The following MAGI1 variants were observed in gnomAD, a reference collection of about 807,000 sequenced individuals.
The protein encoded by MAGI1 is membrane-associated guanylate kinase, WW and PDZ domain-containing protein 1.
In MAGI1, 58 loss-of-function variants were observed where a neutral mutation model predicts 139.9. The ratio of observed to expected loss-of-function variants is 0.41; its 90% CI spans 0.34 to 0.52. The LOEUF (loss-of-function observed/expected upper bound fraction) is 0.52, where lower values mean the gene tolerates loss of function less well. Among genes scored for constraint, MAGI1 ranks in the 20% least tolerant of loss-of-function variants. The pLI is 0.12. For synonymous variants in MAGI1, 812 were observed against 737.9 expected (o/e 1.10, Z -1.63); for missense variants, 1,874 against 1,901.6 (o/e 0.99, Z 0.27).
intron 1 of MAGI1, among the ~76,000 whole-genome samples, chr3:65,882,692 G>C (rs2060378981): frequency 6.6e-6 from 1 of 152,092 alleles, no homozygotes; most frequent in African/African-American, 2.4e-5. Context: ...CTGCACTTTG[G>C]GAAGCTGAGG....
intron 1 of MAGI1, among the ~76,000 whole-genome samples, chr3:65,884,893 T>C (rs1348531537): frequency 1.3e-5 from 2 of 152,168 alleles, no homozygotes; most frequent in Non-Finnish European, 2.9e-5. Flanking sequence ...TAGCATGATA[T>C]GTACCAAAAC....
intron 13 of MAGI1, among the ~76,000 whole-genome samples, chr3:65,393,851 G>A (rs1355538205): frequency 2.0e-5 from 3 of 152,192 alleles, no homozygotes; most frequent in Admixed American, 6.5e-5. Flanking sequence ...CTTTTGTAGG[G>A]TTATTGGCAG....
chr3:65,470,111 G>C (rs1446153988), intron 5 of MAGI1, 172 bp downstream of exon 5: 1 of 557,404 alleles, frequency 1.8e-6, no homozygotes. Flanking sequence ...GAATCGATAA[G>C]TTGGTAATAA....
intron 1 of MAGI1, among the ~76,000 whole-genome samples, chr3:65,969,157 C>G (rs2064898829): frequency 6.6e-6 from 1 of 152,186 alleles, no homozygotes; most frequent in South Asian, 2.1e-4. Flanking sequence ...GAAGTGAAGA[C>G]TTGAACACCG....
chr3:65,664,937 G>C (rs2086417753), intron 1 of MAGI1, among the ~76,000 whole-genome samples: 1 of 152,012 alleles, frequency 6.6e-6, no homozygotes, highest in African/African-American at 2.4e-5. Context: ...GCTGTATATG[G>C]CCTATATTTT....
Position 65,928,142 on chromosome 3 carries a change from A to G in MAGI1, c.313+109854T>C, listed in dbSNP as rs368695829. Among the ~76,000 whole-genome samples, 26 of 152,256 alleles carry G rather than the reference A, an allele frequency of 1.7e-4. No individual in the cohort carries two copies. In the East Asian group the frequency reaches 4.2e-3, roughly 25 times the overall value. On this transcript the variant is annotated intron_variant, in intron 1 of 22. Transcript: ENST00000402939. ...CAAGGATTTTTTTACAGCAGTGTTCACTGATGCACCCCTGGTGTGTAGAGC... is the reference window on the plus strand; with the variant it reads ...CAAGGATTTTTTTACAGCAGTGTTCGCTGATGCACCCCTGGTGTGTAGAGC...
chr3:65,882,023 T>A (rs1326652928), intron 1 of MAGI1, among the ~76,000 whole-genome samples: 1 of 152,206 alleles, frequency 6.6e-6, no homozygotes, highest in Admixed American at 6.5e-5. Flanking sequence ...ACTCCTGACT[T>A]CCCCTCTGAG....
intron 2 of MAGI1, among the ~76,000 whole-genome samples, chr3:65,599,239 G>C (rs1301411936): frequency 6.6e-6 from 1 of 152,184 alleles, no homozygotes; most frequent in Admixed American, 6.5e-5. Flanking sequence ...GGCAAAGCAG[G>C]CTTTACGGGT....
At chr3:65,893,054 G>A (rs542195865) in intron 1 of MAGI1, among the ~76,000 whole-genome samples, 32 of 152,268 alleles carry the variant, frequency 2.1e-4, no homozygotes, top group African/African-American at 7.5e-4. Flanking sequence ...TAAAAATTAA[G>A]TAACAATCCA....
chr3:65,713,284 C>A (rs182449129), intron 1 of MAGI1, among the ~76,000 whole-genome samples: 2 of 152,208 alleles, frequency 1.3e-5, no homozygotes, highest in African/African-American at 4.8e-5. Context: ...TGGAAACTAG[C>A]CCGGGAAGAA....
At chr3:65,653,105 G>A (rs558072448) in intron 1 of MAGI1, among the ~76,000 whole-genome samples, 8 of 152,094 alleles carry the variant, frequency 5.3e-5, no homozygotes, top group South Asian at 2.1e-4. Flanking sequence ...CTTCCCCAGC[G>A]GAAATATGCA....
At chr3:65,563,153 T>G (rs2080444903) in intron 2 of MAGI1, among the ~76,000 whole-genome samples, 1 of 152,206 alleles carries the variant, frequency 6.6e-6, no homozygotes, top group Admixed American at 6.5e-5. Context: ...CCTAATGGAT[T>G]CCAATAAATT....
chr3:65,867,182 GAGT>G (rs1454976503), intron 1 of MAGI1, among the ~76,000 whole-genome samples: 1 of 152,172 alleles, frequency 6.6e-6, no homozygotes, highest in Non-Finnish European at 1.5e-5. Flanking sequence ...ACCAGGCCCA[GAGT>G]AAGCATTTGG....
intron 1 of MAGI1, among the ~76,000 whole-genome samples, chr3:65,656,608 G>A (rs1453082409): frequency 1.3e-5 from 2 of 152,052 alleles, no homozygotes; most frequent in Non-Finnish European, 2.9e-5. Context: ...AGTGGGGGTG[G>A]GAGGCGGATT....
intron 1 of MAGI1, among the ~76,000 whole-genome samples, chr3:66,013,420 G>T (rs13079333): frequency 1.0e-5 from 1 of 95,290 alleles, no homozygotes; most frequent in African/African-American, 3.9e-5. Flanking sequence ...AAAAAAAAAA[G>T]AAAAAAAAAA....
intron 1 of MAGI1, among the ~76,000 whole-genome samples, chr3:65,923,225 T>C (rs114150341): frequency 0.013 from 992 of 78,848 alleles, 16 homozygotes; most frequent in African/African-American, 0.061. Context: ...TCAACAGACA[T>C]CTTTTTTTTT....
chr3:65,634,166 G>A (rs74828522), intron 1 of MAGI1, among the ~76,000 whole-genome samples: 308 of 152,204 alleles, frequency 2.0e-3, no homozygotes, highest in Middle Eastern at 0.017. Flanking sequence ...CAGAGGAGAC[G>A]GGACTCAAAT....
chr3:65,843,517 G>A (rs1192588784), intron 1 of MAGI1, among the ~76,000 whole-genome samples: 1 of 152,142 alleles, frequency 6.6e-6, no homozygotes, highest in Non-Finnish European at 1.5e-5. Flanking sequence ...ATAAACGTCA[G>A]TTTGTTACAT....
intron 2 of MAGI1, among the ~76,000 whole-genome samples, chr3:65,545,897 A>C (rs1016200325): frequency 6.6e-6 from 1 of 152,102 alleles, no homozygotes; most frequent in African/African-American, 2.4e-5. Flanking sequence ...AGAATAAAAA[A>C]TAAGACCAAA....
Sources: gnomAD v4.1 joint callset for allele counts (sites outside exome capture counted in the v4.1 genomes callset) on GRCh38, gnomAD v4.1.1 for gene constraint, MANE v1.5 for transcripts, NCBI Gene and HGNC (gene_info 2026-07-23, HGNC 2026-07-21) for gene names.